Variants in TYW1 observed in about 807,000 individuals in gnomAD.
TYW1 encodes the protein S-adenosyl-L-methionine-dependent tRNA 4-demethylwyosine synthase TYW1.
A neutral mutation model predicts 96.2 loss-of-function variants in TYW1; 46 were observed. That is an observed-to-expected ratio of 0.48 (90% CI 0.38 to 0.61). The LOEUF (loss-of-function observed/expected upper bound fraction) is 0.61, where lower values mean the gene tolerates loss of function less well. Ranked by LOEUF, TYW1 falls within the 20% of genes least tolerant of loss-of-function variation. TYW1 has a pLI of 0.00. For synonymous variants in TYW1, 274 were observed against 323.0 expected, an observed-to-expected ratio of 0.85 and a Z score of 1.63; for missense variants, 684 against 909.6, an observed-to-expected ratio of 0.75 and a Z score of 3.19.
At chr7:67,178,235 A>G (rs1203794946) in intron 13 of TYW1, among the ~76,000 whole-genome samples, 1 of 152,038 alleles carries the variant, frequency 6.6e-6, no homozygotes. Flanking sequence ...TGGCAGCAGT[A>G]TTTTCTAAGA....
At position 67,098,305 on chromosome 7, in the gene TYW1, G is replaced by T. The variant is rs559876095; in HGVS notation, c.1385-236G>T. Among the ~76,000 whole-genome samples the T allele has an allele frequency of 1.2e-4, 18 of 152,338 alleles. No homozygotes were observed. The East Asian group carries it at 3.5e-3, about 29-fold the overall frequency. ...TCCAAATAATTAGCTAACAAAGCTA[G>T]TTTTGCCTGTTTGTATTGATGTAGT... On this transcript the variant is annotated intron_variant, in intron 11 of 15. Transcript: ENST00000359626.
intron 3 of TYW1, among the ~76,000 whole-genome samples, chr7:67,002,132 C>T (rs1356984837): frequency 1.3e-5 from 2 of 151,456 alleles, no homozygotes; most frequent in East Asian, 3.9e-4. Context: ...ACTGCAGCCT[C>T]GACCTCTTGG....
At chr7:67,217,643 A>G (rs181333337) in intron 15 of TYW1, among the ~76,000 whole-genome samples, 1 of 152,106 alleles carries the variant, frequency 6.6e-6, no homozygotes, top group Admixed American at 6.5e-5. Context: ...TGTTTTGATT[A>G]TTATAGCTTT....
At position 67,238,461 on chromosome 7, in the gene TYW1, A is replaced by G; in HGVS notation, c.2131A>G (p.Arg711Gly). The change falls in exon 16 of 16, where the codon AGA (arginine) becomes GGA (glycine). Residue 711 changes from arginine (R) to glycine (G), a missense_variant. By Grantham distance (125) the Arg-to-Gly change is moderately radical (BLOSUM62 -2). Transcript: ENST00000359626. ...CTGGGCATTATTTGGTGCCAGTGAA[A>G]GAGGCTTTGATCCCAAGGACACAAG... is the stretch of plus-strand genomic sequence containing the variant. ...PHWALFGASE[R>G]GFDPKDTRHQ... 6.2e-7 allele frequency: 1 copy of G among 1,613,974 alleles called. No individual in the cohort carries two copies. Among genetic ancestry groups the G allele is most frequent in the Non-Finnish European group, 8.5e-7 (1 of 1,179,864 alleles).
At chr7:67,196,060 C>G (rs1040502199) in intron 15 of TYW1, among the ~76,000 whole-genome samples, 1 of 151,804 alleles carries the variant, frequency 6.6e-6, no homozygotes, top group Non-Finnish European at 1.5e-5. Flanking sequence ...ATATCTCTTG[C>G]CTTCTCATTT....
At chr7:67,204,885 C>A (rs1800730873) in intron 15 of TYW1, among the ~76,000 whole-genome samples, 2 of 152,214 alleles carry the variant, frequency 1.3e-5, no homozygotes, top group African/African-American at 4.8e-5. Context: ...CCACGCCCAG[C>A]CAACTTTCTA....
intron 15 of TYW1, among the ~76,000 whole-genome samples, chr7:67,198,423 G>A (rs533210992): frequency 6.6e-6 from 1 of 151,756 alleles, no homozygotes; most frequent in African/African-American, 2.4e-5. Context: ...TGGTGGCGGG[G>A]GCCTGTAATC....
chr7:67,106,511 G>T (rs1324140222), intron 12 of TYW1, among the ~76,000 whole-genome samples: 2 of 152,094 alleles, frequency 1.3e-5, no homozygotes, highest in African/African-American at 4.8e-5. Flanking sequence ...TGTAAGGCAA[G>T]GAAGTTGTTG....
At chr7:67,114,430 C>T (rs1360891649) in intron 12 of TYW1, 1 of 152,826 alleles carries the variant, frequency 6.5e-6, no homozygotes, top group African/African-American at 2.4e-5. Context: ...TTATGTTCAT[C>T]AGCACATTTT....
At chr7:67,094,688 G>A (rs1796837798) in intron 11 of TYW1, among the ~76,000 whole-genome samples, 1 of 148,544 alleles carries the variant, frequency 6.7e-6, no homozygotes, top group Non-Finnish European at 1.5e-5. Context: ...GTGTGTGTGT[G>A]TGTCAAGCAC....
intron 14 of TYW1, among the ~76,000 whole-genome samples, chr7:67,190,275 A>C (rs1800166254): frequency 6.6e-6 from 1 of 152,162 alleles, no homozygotes; most frequent in African/African-American, 2.4e-5. Context: ...CAGAGTAGAA[A>C]ACTCCTGAGT....
At chr7:67,036,946 G>A (rs1168687382) in intron 7 of TYW1, among the ~76,000 whole-genome samples, 2 of 152,184 alleles carry the variant, frequency 1.3e-5, no homozygotes, top group Non-Finnish European at 1.5e-5. Flanking sequence ...GAGGGTGTGG[G>A]CCCATCCTGG....
chr7:67,221,372 T>C (rs1801386869), intron 15 of TYW1, among the ~76,000 whole-genome samples: 1 of 152,232 alleles, frequency 6.6e-6, no homozygotes, highest in Non-Finnish European at 1.5e-5. Flanking sequence ...TTCAATCCAC[T>C]TGTATCTTTG....
intron 10 of TYW1, among the ~76,000 whole-genome samples, chr7:67,083,005 C>T (rs1213153272): frequency 1.3e-5 from 2 of 152,062 alleles, no homozygotes; most frequent in East Asian, 1.9e-4. Context: ...AGGCCTGCAT[C>T]AGGAGAAACT....
intron 13 of TYW1, among the ~76,000 whole-genome samples, chr7:67,154,380 A>G (rs1798899370): frequency 6.6e-6 from 1 of 152,196 alleles, no homozygotes; most frequent in Non-Finnish European, 1.5e-5. Context: ...CATTTCTTGT[A>G]CAGTCAGTCT....
At position 67,118,877 on chromosome 7, in the gene TYW1, T is replaced by TG. The variant is rs1421065378; in HGVS notation, c.1698+1260dup. 4.8e-3 allele frequency among the ~76,000 whole-genome samples: 242 copies of TG among 50,006 alleles called. 3 individuals carry two copies. The highest frequency in any genetic ancestry group is 7.6e-3 in the Non-Finnish European group (216 of 28,318). 32.8% of individuals were successfully genotyped at this position (50,006 alleles called of 152,430 possible). ...CGTGGGTGACAGTGAGACCCCTATCTGAAAAAAAAAAAAAAAAAAAAAAAA... is the reference window on the plus strand; with the variant it reads ...CGTGGGTGACAGTGAGACCCCTATCTGGAAAAAAAAAAAAAAAAAAAAAAAA... On this transcript the variant is annotated intron_variant, in intron 13 of 15. Coordinates refer to ENST00000359626, the MANE Select transcript of TYW1 (RefSeq NM_018264.4).
At chr7:67,091,559 A>G (rs933918324) in intron 11 of TYW1, among the ~76,000 whole-genome samples, 2 of 152,168 alleles carry the variant, frequency 1.3e-5, no homozygotes, top group African/African-American at 2.4e-5. Flanking sequence ...AACTTAAAGT[A>G]TAATAATAAT....
At chr7:67,177,273 T>TA (rs1197423229) in intron 13 of TYW1, among the ~76,000 whole-genome samples, 1 of 151,780 alleles carries the variant, frequency 6.6e-6, no homozygotes, top group Non-Finnish European at 1.5e-5. Context: ...GAAAAAAATG[T>TA]AAGAGCTTAT....
At chr7:67,124,257 GTTA>G (rs1349158656) in intron 13 of TYW1, among the ~76,000 whole-genome samples, 1 of 152,096 alleles carries the variant, frequency 6.6e-6, no homozygotes, top group Non-Finnish European at 1.5e-5. Context: ...CTATATATAT[GTTA>G]TTAATTATTA....
Sources: allele counts gnomAD v4.1 joint callset (sites outside exome capture counted in the v4.1 genomes callset), GRCh38; gene constraint gnomAD v4.1.1; transcripts MANE v1.5; gene names NCBI Gene and HGNC (gene_info 2026-07-23, HGNC 2026-07-21).